Variants in PCDHGA8 observed in about 807,000 individuals in gnomAD.
PCDHGA8 encodes the protein protocadherin gamma subfamily A, 8, also known as protocadherin gamma-A8.
A neutral mutation model predicts 59.2 loss-of-function variants in PCDHGA8; 45 were observed. The ratio of observed to expected loss-of-function variants is 0.76; its 90% confidence interval spans 0.60 to 0.98. PCDHGA8 has a LOEUF of 0.98. Among genes scored for constraint, PCDHGA8 ranks in the 50% least tolerant of loss-of-function variants. The pLI is 0.00. For missense variants in PCDHGA8, 1,257 were observed against 1,196.2 expected (o/e 1.05, Z -0.75); for synonymous variants, 531 against 519.0 (o/e 1.02, Z -0.32).
At position 141,489,378 on chromosome 5, in the gene PCDHGA8, G is replaced by A. The variant is rs1562129701; in HGVS notation, c.2425-5429G>A. ...AGTCTGAGCCGGGGACGCTGGTGGGGAATGTTGCTCAGGATCTGGGCTTAA... is the reference window on the plus strand; with the variant it reads ...AGTCTGAGCCGGGGACGCTGGTGGGAAATGTTGCTCAGGATCTGGGCTTAA... On this transcript the variant is annotated intron_variant, in intron 1 of 3. Coordinates refer to ENST00000398604, the MANE Select transcript of PCDHGA8 (RefSeq NM_032088.2). The surrounding 1 kb of genome is among the most constrained non-coding windows in gnomAD (Gnocchi z 4.5). 1.2e-6 allele frequency: 2 copies of A among 1,613,908 alleles called. No homozygotes were observed. The highest frequency in any genetic ancestry group is 3.3e-5 in the Admixed American group (2 of 60,026).
chr5:141,414,741 A>C, intron 1 of PCDHGA8: 1 of 1,614,158 alleles, frequency 6.2e-7, no homozygotes. Flanking sequence ...ATGCACTCAG[A>C]TCCTTCGACT....
At chr5:141,435,067 T>C (rs1381741674) in intron 1 of PCDHGA8, among the ~76,000 whole-genome samples, 1 of 152,168 alleles carries the variant, frequency 6.6e-6, no homozygotes, top group African/African-American at 2.4e-5. Flanking sequence ...CAGTTTTGTG[T>C]AGACCGTCTG....
In PCDHGA8 at chr5:141,476,990, C is replaced by A; in HGVS notation, c.2425-17817C>A. On this transcript the variant is annotated intron_variant, in intron 1 of 3. Coordinates refer to ENST00000398604, the MANE Select transcript of PCDHGA8 (RefSeq NM_032088.2). The surrounding 1 kb of genome is among the most constrained non-coding windows in gnomAD (Gnocchi z 7.6). Reference sequence around the variant, plus strand: ...CGGCAGCCACAACCGCGCCGGCGTGCGGCAACTATTCGCCTTAGACCTTGT... The same window carrying A: ...CGGCAGCCACAACCGCGCCGGCGTGAGGCAACTATTCGCCTTAGACCTTGT... The A allele has an allele frequency of 6.2e-7, 1 of 1,614,220 alleles. No individual in the cohort carries two copies. Among genetic ancestry groups the A allele is most frequent in the South Asian group, 1.1e-5 (1 of 91,090 alleles).
At chr5:141,428,154 T>G (rs760002801) in intron 1 of PCDHGA8, 29 of 1,578,806 alleles carry the variant, frequency 1.8e-5, no homozygotes, top group African/African-American at 1.3e-5. Flanking sequence ...CACGGGAACC[T>G]GCTGGTTGCT....
intron 1 of PCDHGA8, chr5:141,400,289 G>A: frequency 6.2e-7 from 1 of 1,614,074 alleles, no homozygotes; most frequent in South Asian, 1.1e-5. Context: ...GCCGCCTGGA[G>A]CTGCTTCCAA....
At chr5:141,396,826 T>C (rs2150684125) in intron 1 of PCDHGA8, among the ~76,000 whole-genome samples, 1 of 152,342 alleles carries the variant, frequency 6.6e-6, no homozygotes, top group South Asian at 2.1e-4. Flanking sequence ...ATGGTGCATA[T>C]TCAGTGGAGT....
At chr5:141,501,718 A>G (rs914077060) in intron 2 of PCDHGA8, among the ~76,000 whole-genome samples, 1 of 152,152 alleles carries the variant, frequency 6.6e-6, no homozygotes, top group Non-Finnish European at 1.5e-5. Flanking sequence ...AAAAAGACAA[A>G]TATATTACCC....
chr5:141,428,488 CTGT>C (rs2097142454), intron 1 of PCDHGA8: 1 of 312,362 alleles, frequency 3.2e-6, no homozygotes. Flanking sequence ...TTCCTGCAAT[CTGT>C]ATGTTCCCTC....
intron 1 of PCDHGA8, chr5:141,479,750 G>T: frequency 6.6e-6 from 1 of 152,310 alleles, no homozygotes. Context: ...CAATGTGAAA[G>T]GTAGATAAAT....
At position 141,485,120 on chromosome 5, in the gene PCDHGA8, G is replaced by T; in HGVS notation, c.2425-9687G>T. The T allele has an allele frequency of 7.4e-7, 1 of 1,348,050 alleles. No individual in the cohort carries two copies. Among genetic ancestry groups the T allele is most frequent in the Non-Finnish European group, 1.0e-6 (1 of 952,710 alleles). 83.5% of individuals were successfully genotyped at this position (1,348,050 alleles called of 1,614,324 possible). On this transcript the variant is annotated intron_variant, in intron 1 of 3. Transcript: ENST00000398604. The surrounding 1 kb of genome is among the most constrained non-coding windows in gnomAD (Gnocchi z 5.7). ...TCCAGCTGCTGTGGCTGTTTGGGGC[G>T]GGTCGGCTTCATCCGCGTCTCAGGA...
chr5:141,446,917 C>G (rs979679080), intron 1 of PCDHGA8, among the ~76,000 whole-genome samples: 1 of 152,108 alleles, frequency 6.6e-6, no homozygotes, highest in South Asian at 2.1e-4. Flanking sequence ...TTTTATTTAT[C>G]TTCCTGATCT....
intron 1 of PCDHGA8, among the ~76,000 whole-genome samples, chr5:141,453,673 AC>A (rs1459216908): frequency 6.6e-6 from 1 of 152,230 alleles, no homozygotes; most frequent in African/African-American, 2.4e-5. Flanking sequence ...ACAAAAGGTA[AC>A]ACACTATGTA....
rs2150590922 is a variant in PCDHGA8, at chr5:141,394,906, C to T, written c.2093C>T (p.Ala698Val). The stretch of plus-strand genomic sequence containing the variant: ...ACACTCTATCTCGTGGTGGCAGTGG[C>T]TGCCATCTCCTGTGTCTTCCTCGCC... Reference protein sequence around the residue: ...SLTLYLVVAVAAISCVFLAFV... With the variant: ...SLTLYLVVAVVAISCVFLAFV... Residue 698 changes from alanine to valine, a missense_variant, in exon 1 of 4, where the codon GCT (alanine) becomes GTT (valine). Physicochemically the swap from Ala to Val is moderately conservative, Grantham distance 64. Coordinates refer to ENST00000398604, the MANE Select transcript of PCDHGA8 (RefSeq NM_032088.2). The T allele has an allele frequency of 6.2e-7, 1 of 1,613,754 alleles. No individual in the cohort carries two copies. Among genetic ancestry groups the T allele is most frequent in the Admixed American group, 1.7e-5 (1 of 60,026 alleles).
In PCDHGA8 at chr5:141,394,606, C is replaced by T. The variant is rs747606142; in HGVS notation, c.1793C>T (p.Ser598Leu). ...VTKVVAVDRD[S>L]GQNAWLSYRL... ...AAGGTGGTGGCGGTGGACAGAGACT[C>T]GGGCCAGAACGCCTGGCTGTCCTAC... is the stretch of plus-strand genomic sequence containing the variant. Residue 598 changes from serine to leucine, a missense_variant, in exon 1 of 4, where the codon TCG becomes TTG. Coordinates refer to ENST00000398604, the MANE Select transcript of PCDHGA8 (RefSeq NM_032088.2). The T allele has an allele frequency of 3.1e-6, 5 of 1,613,486 alleles. No individual in the cohort carries two copies. Among genetic ancestry groups the T allele is most frequent in the Admixed American group, 1.7e-5 (1 of 60,012 alleles).
intron 1 of PCDHGA8, chr5:141,398,248 A>G (rs908511447): frequency 1.4e-6 from 2 of 1,472,692 alleles, no homozygotes; most frequent in African/African-American, 2.9e-5. Flanking sequence ...TCCCGAGGAA[A>G]TGCCCAAGGG....
chr5:141,476,897 A>G lies in PCDHGA8; in HGVS notation c.2425-17910A>G. ...CGTCCTGGAGGATGCACCCTCCGGC[A>G]CGCGCGTGGTACAAGTCCTTGCAAC... On this transcript the variant is annotated intron_variant, in intron 1 of 3. Coordinates refer to ENST00000398604, the MANE Select transcript of PCDHGA8 (RefSeq NM_032088.2). The surrounding 1 kb of genome is among the most constrained non-coding windows in gnomAD (Gnocchi z 7.6). 1 of 1,613,938 alleles carries G rather than the reference A, an allele frequency of 6.2e-7. No individual in the cohort carries two copies. Among genetic ancestry groups the G allele is most frequent in the Non-Finnish European group, 8.5e-7 (1 of 1,180,012 alleles).
In PCDHGA8 at chr5:141,432,690, T is replaced by A. The variant is rs764124373; in HGVS notation, c.2424+37453T>A. 5.0e-6 allele frequency: 8 copies of A among 1,613,854 alleles called. No individual in the cohort carries two copies. The highest frequency in any genetic ancestry group is 2.7e-5 in the African/African-American group (2 of 74,940). ...GACGCGCTCAAGCAGAGCCTCGTAGTGGCCGTCCAGGACCACGGCCAGCCC... is the reference window on the plus strand; with the variant it reads ...GACGCGCTCAAGCAGAGCCTCGTAGAGGCCGTCCAGGACCACGGCCAGCCC... On this transcript the variant is annotated intron_variant, in intron 1 of 3. Coordinates refer to ENST00000398604, the MANE Select transcript of PCDHGA8 (RefSeq NM_032088.2). This position sits in a 1 kb window ranked among gnomAD's most constrained non-coding sequence, Gnocchi z 6.0.
In PCDHGA8 at chr5:141,431,878, C is replaced by T. The variant is rs2097425306; in HGVS notation, c.2424+36641C>T. The T allele has an allele frequency of 1.2e-6, 2 of 1,614,054 alleles. No individual in the cohort carries two copies. The highest frequency in any genetic ancestry group is 1.7e-5 in the Admixed American group (1 of 60,010). ...TAATTGCCCTTTTAAATGTAAATGACCAAGATTCTGAGGAAAACGGACAGG... is the reference window on the plus strand; with the variant it reads ...TAATTGCCCTTTTAAATGTAAATGATCAAGATTCTGAGGAAAACGGACAGG... On this transcript the variant is annotated intron_variant, in intron 1 of 3. Transcript: ENST00000398604. The surrounding 1 kb of genome is among the most constrained non-coding windows in gnomAD (Gnocchi z 4.8).
rs766638463 is a variant in PCDHGA8 at position 141,476,525 on chromosome 5, A to G, written c.2425-18282A>G. ...CAACGACAACAATCCTGCTTTCCCT[A>G]CCCAGGAAATGAAATTGGAGATTAG... On this transcript the variant is annotated intron_variant, in intron 1 of 3. Transcript: ENST00000398604. This position sits in a 1 kb window ranked among gnomAD's most constrained non-coding sequence, Gnocchi z 7.6. 6 of 1,613,950 alleles carry G rather than the reference A, an allele frequency of 3.7e-6. No homozygotes were observed. The African/African-American group carries it at 6.7e-5, about 18-fold the overall frequency.
Sources: allele counts gnomAD v4.1 joint callset (sites outside exome capture counted in the v4.1 genomes callset), GRCh38; gene constraint gnomAD v4.1.1; non-coding constraint Gnocchi (gnomAD v3.1); transcripts MANE v1.5; gene names NCBI Gene and HGNC (gene_info 2026-07-23, HGNC 2026-07-21).